TNFSF4: variants seen among roughly 807,000 people sequenced by gnomAD.
TNFSF4 encodes the protein TNF superfamily member 4, also known as tumor necrosis factor ligand superfamily member 4.
TNFSF4 carries 4 observed loss-of-function variants against 7.3 expected under a neutral mutation model. That is an observed-to-expected ratio of 0.55 (90% CI 0.27 to 1.25). The LOEUF is 1.25. Among genes scored for constraint, TNFSF4 ranks in the 50% most tolerant of loss-of-function variants. The probability of loss-of-function intolerance (pLI) is 0.12; values close to 1 mark genes in which losing one functional copy is unlikely to be tolerated. For synonymous variants in TNFSF4, 76 were observed against 83.7 expected, an observed-to-expected ratio of 0.91 and a Z score of 0.50; for missense variants, 181 against 208.8, an observed-to-expected ratio of 0.87 and a Z score of 0.82.
the TNFSF4 span, among the ~76,000 whole-genome samples, chr1:173,355,074 A>G: frequency 6.6e-6 from 1 of 152,156 alleles, no homozygotes; most frequent in Non-Finnish European, 1.5e-5. Flanking sequence ...AGTCTTTTCC[A>G]GCTTCTAGCA....
At chr1:173,378,883 C>G in the TNFSF4 span, among the ~76,000 whole-genome samples, 1 of 139,106 alleles carries the variant, frequency 7.2e-6, no homozygotes, top group Non-Finnish European at 1.6e-5. Flanking sequence ...CCCCTCCCCC[C>G]CCACCACAGG....
chr1:173,328,927 A>C, the TNFSF4 span, among the ~76,000 whole-genome samples: 2 of 152,240 alleles, frequency 1.3e-5, no homozygotes, highest in African/African-American at 4.8e-5. Context: ...CCACACGTGG[A>C]AAGCCATTTT....
the TNFSF4 span, among the ~76,000 whole-genome samples, chr1:173,371,005 C>T: frequency 6.6e-5 from 10 of 152,212 alleles, no homozygotes; most frequent in African/African-American, 2.4e-4. Flanking sequence ...CCCCAGACTG[C>T]AATGGTTCTC....
At chr1:173,413,852 A>T in the TNFSF4 span, among the ~76,000 whole-genome samples, 35 of 152,170 alleles carry the variant, frequency 2.3e-4, no homozygotes, top group Non-Finnish European at 4.9e-4. Context: ...TGATAATAAC[A>T]TGCTTTCAGA....
At position 173,207,228 on chromosome 1, in the gene TNFSF4, G is replaced by A. The variant is rs145777208; in HGVS notation, c.-52C>T. On this transcript the variant is annotated 5_prime_UTR_variant, in exon 1 of 3. Transcript: ENST00000281834. ...GAAGATATGGAAAAGGGGAACGTGCGATAAAACTGAAGTTTTCCCCAGAAA... is the reference window on the plus strand; with the variant it reads ...GAAGATATGGAAAAGGGGAACGTGCAATAAAACTGAAGTTTTCCCCAGAAA... 105 of 1,541,798 alleles carry A rather than the reference G, an allele frequency of 6.8e-5. 1 individual carries two copies. In the African/African-American group the frequency reaches 1.0e-3, roughly 15 times the overall value.
At chr1:173,427,061 C>A in the TNFSF4 span, among the ~76,000 whole-genome samples, 6 of 152,266 alleles carry the variant, frequency 3.9e-5, no homozygotes, top group African/African-American at 1.2e-4. Flanking sequence ...TCGTCACCTT[C>A]AGAACTGTAT....
At chr1:173,378,512 C>A in the TNFSF4 span, among the ~76,000 whole-genome samples, 1 of 152,126 alleles carries the variant, frequency 6.6e-6, no homozygotes, top group Non-Finnish European at 1.5e-5. Flanking sequence ...GACTCACAAA[C>A]CCTGAAAAAG....
At chr1:173,221,765 A>G in the TNFSF4 span, among the ~76,000 whole-genome samples, 1 of 152,226 alleles carries the variant, frequency 6.6e-6, no homozygotes, top group Non-Finnish European at 1.5e-5. Flanking sequence ...CAGAGAGGTT[A>G]TGCAACTTGG....
chr1:173,309,736 T>C, the TNFSF4 span, among the ~76,000 whole-genome samples: 1 of 152,018 alleles, frequency 6.6e-6, no homozygotes, highest in African/African-American at 2.4e-5. Flanking sequence ...TTCTCTCAAA[T>C]AGTTTATGTA....
chr1:173,438,975 G>A, the TNFSF4 span, among the ~76,000 whole-genome samples: 1 of 152,146 alleles, frequency 6.6e-6, no homozygotes, highest in African/African-American at 2.4e-5. Flanking sequence ...TTAAATAATT[G>A]CACCTATAAA....
At position 173,189,129 on chromosome 1, in the gene TNFSF4, G is replaced by A. The variant is rs149316807; in HGVS notation, c.154-560C>T. On this transcript the variant is annotated intron_variant, in intron 1 of 2. Coordinates refer to ENST00000281834, the MANE Select transcript of TNFSF4 (RefSeq NM_003326.5). ...GACTATTGTGCTCCTTCATGCAAGC[G>A]TCTGAGATCTGTCCGCATTTCTGCC... 6.6e-5 allele frequency among the ~76,000 whole-genome samples: 10 copies of A among 152,202 alleles called. No individual in the cohort carries two copies. In the East Asian group the frequency reaches 7.7e-4, roughly 12 times the overall value.
At chr1:173,336,580 A>G in the TNFSF4 span, among the ~76,000 whole-genome samples, 1 of 152,190 alleles carries the variant, frequency 6.6e-6, no homozygotes, top group African/African-American at 2.4e-5. Flanking sequence ...CAGGGGTATA[A>G]CAACTCTCTC....
At chr1:173,427,875 GA>G in the TNFSF4 span, among the ~76,000 whole-genome samples, 2 of 151,942 alleles carry the variant, frequency 1.3e-5, no homozygotes, top group Non-Finnish European at 2.9e-5. Context: ...TCTAAACATA[GA>G]AAAGGTAATG....
At chr1:173,402,067 A>G in the TNFSF4 span, among the ~76,000 whole-genome samples, 4 of 152,280 alleles carry the variant, frequency 2.6e-5, no homozygotes, top group South Asian at 8.3e-4. Flanking sequence ...ATTTTTAACC[A>G]TTGGCCTCAA....
At chr1:173,266,711 G>A in the TNFSF4 span, among the ~76,000 whole-genome samples, 1 of 151,890 alleles carries the variant, frequency 6.6e-6, no homozygotes, top group Admixed American at 6.6e-5. Flanking sequence ...TATTCCTCGT[G>A]TTTATTACAG....
At chr1:173,378,672 T>A in the TNFSF4 span, among the ~76,000 whole-genome samples, 1 of 152,224 alleles carries the variant, frequency 6.6e-6, no homozygotes, top group African/African-American at 2.4e-5. Context: ...GTGAAATAGC[T>A]TATGTCCAAG....
chr1:173,270,608 T>C, the TNFSF4 span, among the ~76,000 whole-genome samples: 2 of 152,096 alleles, frequency 1.3e-5, no homozygotes, highest in Non-Finnish European at 2.9e-5. Flanking sequence ...AAATTTAAAG[T>C]CAGACACTCA....
At chr1:173,300,951 G>C in the TNFSF4 span, among the ~76,000 whole-genome samples, 34 of 8,674 alleles carry the variant, frequency 3.9e-3, 1 homozygote, top group East Asian at 0.46. Context: ...CAAATGTACT[G>C]TTTGAGAAAC....
the TNFSF4 span, among the ~76,000 whole-genome samples, chr1:173,223,175 G>C: frequency 6.6e-6 from 1 of 152,204 alleles, no homozygotes; most frequent in Non-Finnish European, 1.5e-5. Flanking sequence ...ATGTGGGAAA[G>C]AGTGTAATGA....
Sources: allele counts gnomAD v4.1 joint callset (sites outside exome capture counted in the v4.1 genomes callset), GRCh38; gene constraint gnomAD v4.1.1; transcripts MANE v1.5; gene names NCBI Gene and HGNC (gene_info 2026-07-23, HGNC 2026-07-21).